Variants in JAK1 observed in about 807,000 individuals in gnomAD.
The protein encoded by JAK1 is tyrosine-protein kinase JAK1.
JAK1 carries 16 observed loss-of-function variants against 136.6 expected under a neutral mutation model. The observed-to-expected ratio is 0.12, with a 90% CI of 0.08 to 0.18. JAK1 has a LOEUF of 0.18. JAK1 is among the 10% of genes least tolerant of loss of function. The pLI, the probability that JAK1 is intolerant of heterozygous loss-of-function variation, is 1.00. For synonymous variants in JAK1, 492 were observed against 519.5 expected (o/e 0.95, Z 0.72); for missense variants, 859 against 1,450.1 (o/e 0.59, Z 6.62).
intron 2 of JAK1, among the ~76,000 whole-genome samples, chr1:64,975,459 A>C (rs979392732): frequency 2.0e-4 from 30 of 152,186 alleles, no homozygotes; most frequent in African/African-American, 7.0e-4. Flanking sequence ...CCACCTCTGC[A>C]TGCATGCTCA....
intron 11 of JAK1, among the ~76,000 whole-genome samples, chr1:64,852,546 CAAG>C (rs1170506316): frequency 1.3e-5 from 2 of 152,124 alleles, no homozygotes; most frequent in Non-Finnish European, 2.9e-5. Context: ...GAAAAGGCAT[CAAG>C]AAGGGGCCCC....
intron 1 of JAK1, among the ~76,000 whole-genome samples, chr1:64,943,153 T>C (rs1453724634): frequency 6.6e-6 from 1 of 152,222 alleles, no homozygotes; most frequent in Non-Finnish European, 1.5e-5. Context: ...ATTTTGACTA[T>C]GGTTATAGTT....
At chr1:64,901,251 T>C (rs968106815) in intron 1 of JAK1, among the ~76,000 whole-genome samples, 1 of 152,216 alleles carries the variant, frequency 6.6e-6, no homozygotes, top group Non-Finnish European at 1.5e-5. Flanking sequence ...CTTCCAGAAG[T>C]ACTCACCTAA....
intron 2 of JAK1, among the ~76,000 whole-genome samples, chr1:64,989,000 G>GTATATATATATA (rs1343195557): frequency 1.1e-5 from 1 of 91,866 alleles, no homozygotes; most frequent in Non-Finnish European, 2.1e-5. Flanking sequence ...GTGTGTGTGT[G>GTATATATATATA]TGTATATATA....
intron 2 of JAK1, among the ~76,000 whole-genome samples, chr1:65,040,468 T>C (rs1024906855): frequency 6.6e-6 from 1 of 152,166 alleles, no homozygotes; most frequent in African/African-American, 2.4e-5. Flanking sequence ...GGGTAATCCA[T>C]AGTAATCTCT....
At chr1:65,062,207 T>C (rs1385781925) in intron 1 of JAK1, among the ~76,000 whole-genome samples, 1 of 152,194 alleles carries the variant, frequency 6.6e-6, no homozygotes, top group East Asian at 1.9e-4. Context: ...AAACATGTAC[T>C]CAGCACAAAT....
In JAK1 at chr1:64,858,558, C is replaced by A. The variant is rs181757503; in HGVS notation, c.1335-779G>T. On this transcript the variant is annotated intron_variant, in intron 9 of 24. Transcript: ENST00000342505. Reference sequence around the variant, plus strand: ...TTGAATGCCACCTACTCTGAGCAGGCTCTTTAGGCAAGGAATGTCAGCATC... The same window carrying A: ...TTGAATGCCACCTACTCTGAGCAGGATCTTTAGGCAAGGAATGTCAGCATC... 2.6e-3 allele frequency among the ~76,000 whole-genome samples: 390 copies of A among 152,280 alleles called. 3 individuals are homozygous for A. Among genetic ancestry groups the A allele is most frequent in the South Asian group, 3.7e-3 (18 of 4,830 alleles).
At chr1:64,980,302 T>C (rs1646532727) in intron 2 of JAK1, among the ~76,000 whole-genome samples, 1 of 152,124 alleles carries the variant, frequency 6.6e-6, no homozygotes, top group East Asian at 1.9e-4. Context: ...TTCTACTCTG[T>C]TTTGCACCAT....
At chr1:64,955,472 T>C (rs1171401794) in intron 1 of JAK1, among the ~76,000 whole-genome samples, 1 of 152,072 alleles carries the variant, frequency 6.6e-6, no homozygotes, top group African/African-American at 2.4e-5. Flanking sequence ...CAGAAAAGCA[T>C]GGGAAACATT....
At chr1:64,860,730 G>A (rs544473043) in intron 8 of JAK1, among the ~76,000 whole-genome samples, 1 of 152,170 alleles carries the variant, frequency 6.6e-6, no homozygotes, top group African/African-American at 2.4e-5. Context: ...TGGGATTACA[G>A]CCGTGAGCCA....
At chr1:64,845,267 A>T (rs915209478) in intron 15 of JAK1, among the ~76,000 whole-genome samples, 1 of 152,170 alleles carries the variant, frequency 6.6e-6, no homozygotes, top group African/African-American at 2.4e-5. Flanking sequence ...ATGCTGCAGT[A>T]TGCAAGTCGG....
rs530479382 is a variant in JAK1 at position 64,927,143 on chromosome 1, C to A, written c.-78+39190G>T. ...TTCTTTGGGTCTGCTTATGTGCTCA[C>A]CTCTGATGGGCGTACCCTGACGACC... On this transcript the variant is annotated intron_variant, in intron 1 of 24. Transcript: ENST00000342505. 2.8e-3 allele frequency among the ~76,000 whole-genome samples: 421 copies of A among 152,312 alleles called. 4 individuals carry two copies. Among genetic ancestry groups the A allele is most frequent in the Non-Finnish European group, 4.0e-3 (273 of 68,032 alleles).
chr1:65,063,182 A>G (rs1396348230), intron 1 of JAK1, among the ~76,000 whole-genome samples: 1 of 152,240 alleles, frequency 6.6e-6, no homozygotes, highest in African/African-American at 2.4e-5. Context: ...CAAAGAAAAA[A>G]TAAATGGAAG....
chr1:64,839,632 A>G lies in JAK1; in HGVS notation c.2813T>C (p.Val938Ala), dbSNP rs2100959549. The change falls in exon 20 of 25, where the codon GTG (valine) becomes GCG (alanine). Residue 938 changes from valine (V) to alanine (A), a missense_variant. Around this residue, in one of 4 missense-constraint regions of JAK1, gnomAD observed 409 missense variants for 753.8 expected, o/e 0.54. Coordinates refer to ENST00000342505, the MANE Select transcript of JAK1 (RefSeq NM_002227.4). ...TTCTGTGCAGATTCCTTTGTACTTC[A>G]CAATGTTCTCATGATAGAGGTTCCT... ...ILRNLYHENI[V>A]KYKGICTEDG... is the part of the protein sequence containing the mutation. The G allele has an allele frequency of 6.2e-7, 1 of 1,614,088 alleles. No homozygotes were observed. The highest frequency in any genetic ancestry group is 8.5e-7 in the Non-Finnish European group (1 of 1,179,992).
At chr1:64,890,199 C>T (rs539672110) in intron 1 of JAK1, among the ~76,000 whole-genome samples, 70 of 151,928 alleles carry the variant, frequency 4.6e-4, no homozygotes, top group African/African-American at 1.5e-3. Context: ...GCAGTCTTAA[C>T]GTTGGTAAGG....
chr1:64,911,913 A>G (rs1645291467), intron 1 of JAK1, among the ~76,000 whole-genome samples: 1 of 152,236 alleles, frequency 6.6e-6, no homozygotes. Flanking sequence ...CAGATTCATG[A>G]CAGGCTTAAA....
intron 11 of JAK1, among the ~76,000 whole-genome samples, chr1:64,851,781 T>G (rs1655612805): frequency 6.6e-6 from 1 of 152,234 alleles, no homozygotes; most frequent in African/African-American, 2.4e-5. Flanking sequence ...CTCTGAAGAC[T>G]TGTATGTTTT....
intron 4 of JAK1, among the ~76,000 whole-genome samples, chr1:64,877,762 G>C (rs1404957095): frequency 2.0e-5 from 3 of 152,116 alleles, no homozygotes; most frequent in African/African-American, 7.2e-5. Context: ...ACTTCAAACT[G>C]CAACAACCCA....
intron 1 of JAK1, among the ~76,000 whole-genome samples, chr1:64,912,607 C>T (rs886547945): frequency 1.3e-5 from 2 of 152,224 alleles, no homozygotes; most frequent in African/African-American, 4.8e-5. Context: ...AATCACTCTA[C>T]ATGAATGATC....
Sources: allele counts gnomAD v4.1 joint callset (sites outside exome capture counted in the v4.1 genomes callset), GRCh38; gene constraint gnomAD v4.1.1; regional missense constraint gnomAD v4.1.1; transcripts MANE v1.5; gene names NCBI Gene and HGNC (gene_info 2026-07-23, HGNC 2026-07-21).